Variants in PAK1 observed in about 807,000 individuals in gnomAD.
PAK1 encodes serine/threonine-protein kinase PAK 1.
A neutral mutation model predicts 67.4 loss-of-function variants in PAK1; 29 were observed. The ratio of observed to expected loss-of-function variants is 0.43; its 90% CI spans 0.32 to 0.59. The LOEUF is 0.59. PAK1 is among the 20% of genes least tolerant of loss of function. The probability of loss-of-function intolerance (pLI) is 0.07; values close to 1 mark genes in which losing one functional copy is unlikely to be tolerated. For missense variants in PAK1, 337 were observed against 670.7 expected, an observed-to-expected ratio of 0.50 and a Z score of 5.50; for synonymous variants, 223 against 237.4, an observed-to-expected ratio of 0.94 and a Z score of 0.56.
At chr11:77,477,821 G>C (rs539195200), upstream of PAK1, among the ~76,000 whole-genome samples, 474 of 152,282 alleles carry the variant, frequency 3.1e-3, 2 homozygotes, top group Admixed American at 7.0e-3. Flanking sequence ...CATTTTGGGA[G>C]ACCAAGGCAG....
intron 8 of PAK1, 78 bp from the exon 9 acceptor site, chr11:77,349,365 C>T (rs1944913871): frequency 9.1e-7 from 1 of 1,099,866 alleles, no homozygotes; most frequent in Non-Finnish European, 1.4e-6. Flanking sequence ...TGCAGTTCTA[C>T]ACACAATCTG....
At chr11:77,496,881 C>G in the PAK1 span, among the ~76,000 whole-genome samples, 1 of 152,068 alleles carries the variant, frequency 6.6e-6, no homozygotes. Context: ...TGCAGTGAAC[C>G]TAGATCATGC....
At chr11:77,336,418 C>G (rs1298859748) in intron 12 of PAK1, 136 bp from the exon 13 acceptor site, 3 of 544,710 alleles carry the variant, frequency 5.5e-6, no homozygotes, top group Non-Finnish European at 9.8e-6. Flanking sequence ...TCTCCAAAGT[C>G]ACTTGACTAC....
At chr11:77,496,763 T>C in the PAK1 span, among the ~76,000 whole-genome samples, 1 of 152,128 alleles carries the variant, frequency 6.6e-6, no homozygotes, top group African/African-American at 2.4e-5. Flanking sequence ...CAAAACGCTG[T>C]CTCTACTGAA....
intron 1 of PAK1, among the ~76,000 whole-genome samples, chr11:77,434,810 G>C (rs1370056267): frequency 5.9e-5 from 9 of 151,964 alleles, no homozygotes; most frequent in Admixed American, 4.6e-4. Flanking sequence ...GTAGAGACAG[G>C]ATTTTGCCAT....
the PAK1 span, among the ~76,000 whole-genome samples, chr11:77,501,677 T>C: frequency 6.6e-6 from 1 of 152,132 alleles, no homozygotes. Flanking sequence ...GATAGGAAGA[T>C]CAGTATTGCT....
the PAK1 span, among the ~76,000 whole-genome samples, chr11:77,507,304 A>G: frequency 1.3e-5 from 2 of 152,144 alleles, no homozygotes; most frequent in Non-Finnish European, 2.9e-5. Context: ...CAACCAGAGC[A>G]CCTTAAGATT....
intron 9 of PAK1, among the ~76,000 whole-genome samples, chr11:77,347,345 A>T (rs528413440): frequency 6.6e-6 from 1 of 152,278 alleles, no homozygotes; most frequent in Admixed American, 6.5e-5. Context: ...CTTGCGGCCC[A>T]AAACACACAG....
At chr11:77,324,812 G>C (rs1303149758) in intron 14 of PAK1, among the ~76,000 whole-genome samples, 1 of 151,784 alleles carries the variant, frequency 6.6e-6, no homozygotes, top group Non-Finnish European at 1.5e-5. Context: ...GAGAGAAAGA[G>C]AAAGAGAGAG....
chr11:77,396,544 T>C (rs1462294143), intron 1 of PAK1, among the ~76,000 whole-genome samples: 1 of 152,230 alleles, frequency 6.6e-6, no homozygotes, highest in Non-Finnish European at 1.5e-5. Flanking sequence ...TAAAGATTTG[T>C]TGAATAAACA....
upstream of PAK1, chr11:77,474,245 G>A (rs1208491649): frequency 6.6e-6 from 1 of 151,772 alleles, no homozygotes; most frequent in African/African-American, 2.4e-5. Context: ...CTCCGGTGGA[G>A]CCGTGCCCGC....
chr11:77,378,009 C>T lies in PAK1; in HGVS notation c.439+1232G>A, dbSNP rs571936036. Among the ~76,000 whole-genome samples the T allele has an allele frequency of 3.2e-3, 480 of 152,300 alleles. 2 individuals carry two copies. Among genetic ancestry groups the T allele is most frequent in the Non-Finnish European group, 5.6e-3 (384 of 68,024 alleles). ...CATAGCAGCATGAGTGAAGCTGCAG[C>T]CTGTCATCTCCACCATCTGTGCCCT... On this transcript the variant is annotated intron_variant, in intron 4 of 14. Coordinates refer to ENST00000356341, the MANE Select transcript of PAK1 (RefSeq NM_002576.5).
the PAK1 span, among the ~76,000 whole-genome samples, chr11:77,494,236 G>A: frequency 6.5e-4 from 99 of 152,278 alleles, no homozygotes; most frequent in Non-Finnish European, 1.1e-3. Context: ...GCTGATAGGT[G>A]AATAAGTAAA....
At position 77,378,227 on chromosome 11, in the gene PAK1, T is replaced by C. The variant is rs534497105; in HGVS notation, c.439+1014A>G. Among the ~76,000 whole-genome samples the C allele has an allele frequency of 6.4e-4, 98 of 152,280 alleles. 1 individual carries two copies. Among genetic ancestry groups the C allele is most frequent in the African/African-American group, 2.2e-3 (93 of 41,554 alleles). On this transcript the variant is annotated intron_variant, in intron 4 of 14. Transcript: ENST00000356341. The stretch of plus-strand genomic sequence containing the variant: ...TTTGGTTCTCACACCTGCAAAACAA[T>C]GGAAAGCTGGTCCGCTGTGGAAGGA...
chr11:77,463,171 T>C (rs962778537), intron 1 of PAK1, among the ~76,000 whole-genome samples: 2 of 152,044 alleles, frequency 1.3e-5, no homozygotes, highest in Admixed American at 1.3e-4. Flanking sequence ...AAGCAAATAA[T>C]GATATGAATG....
chr11:77,327,563 C>A (rs1261658863), intron 14 of PAK1, among the ~76,000 whole-genome samples: 12 of 148,884 alleles, frequency 8.1e-5, no homozygotes, highest in African/African-American at 2.2e-4. Context: ...GAAATAAAAT[C>A]CTTTACAGAC....
intron 1 of PAK1, among the ~76,000 whole-genome samples, chr11:77,424,493 T>C (rs577891462): frequency 6.6e-6 from 1 of 152,310 alleles, no homozygotes; most frequent in East Asian, 1.9e-4. Context: ...TAAAATCTTA[T>C]AACTAACACT....
chr11:77,405,410 G>A (rs568737559), intron 1 of PAK1, among the ~76,000 whole-genome samples: 1 of 152,276 alleles, frequency 6.6e-6, no homozygotes, highest in South Asian at 2.1e-4. Context: ...CAGAAGTGGA[G>A]AGACCATTAG....
intron 9 of PAK1, among the ~76,000 whole-genome samples, chr11:77,345,361 T>A (rs954014625): frequency 6.6e-6 from 1 of 152,064 alleles, no homozygotes; most frequent in Non-Finnish European, 1.5e-5. Flanking sequence ...GGCAATGGGC[T>A]CCTCTATCCC....
Sources: allele counts gnomAD v4.1 joint callset (sites outside exome capture counted in the v4.1 genomes callset), GRCh38; gene constraint gnomAD v4.1.1; transcripts MANE v1.5; gene names NCBI Gene and HGNC (gene_info 2026-07-23, HGNC 2026-07-21).